Variants in PRDM16 observed in about 807,000 individuals in gnomAD.
PRDM16 encodes the protein PR/SET domain 16, also known as histone-lysine N-methyltransferase PRDM16.
In PRDM16, 23 loss-of-function variants were observed where a neutral mutation model predicts 110.6. The observed-to-expected ratio is 0.21, with a 90% confidence interval of 0.15 to 0.29. The LOEUF is 0.29. Ranked by LOEUF, PRDM16 falls within the 10% of genes least tolerant of loss-of-function variation. PRDM16 has a pLI of 1.00. For synonymous variants in PRDM16, 799 were observed against 781.8 expected, an observed-to-expected ratio of 1.02 and a Z score of -0.37; for missense variants, 1,615 against 1,794.3, an observed-to-expected ratio of 0.90 and a Z score of 1.81.
rs962136655 is a variant in PRDM16, at chr1:3,434,031, A to G, written c.*220A>G. The G allele has an allele frequency of 7.3e-6, 4 of 544,300 alleles. No homozygotes were observed. Among genetic ancestry groups the G allele is most frequent in the Middle Eastern group, 9.8e-4 (2 of 2,034 alleles). The allele number at this position is 544,300 out of a possible 1,614,324, so 33.7% of individuals were successfully genotyped here. Reference sequence around the variant, plus strand: ...CCATCTCCAAGGATTGGTCTTGAGAACACTGTTCAGTGACGGCCATGCAGG... The same window carrying G: ...CCATCTCCAAGGATTGGTCTTGAGAGCACTGTTCAGTGACGGCCATGCAGG... On this transcript the variant is annotated 3_prime_UTR_variant, in exon 17 of 17. Transcript: ENST00000270722.
chr1:3,405,150 C>T (rs947428508), intron 7 of PRDM16, among the ~76,000 whole-genome samples: 7 of 152,304 alleles, frequency 4.6e-5, no homozygotes, highest in Non-Finnish European at 7.4e-5. Context: ...GTCCTCCCGC[C>T]GGTGTGGAAG....
intron 5 of PRDM16, among the ~76,000 whole-genome samples, chr1:3,402,381 CG>C (rs1643486655): frequency 6.6e-6 from 1 of 152,256 alleles, no homozygotes; most frequent in Admixed American, 6.5e-5. Flanking sequence ...TTGACCTTGA[CG>C]ACAATAATTT....
intron 3 of PRDM16, among the ~76,000 whole-genome samples, chr1:3,356,321 G>A (rs1642599638): frequency 1.3e-5 from 2 of 152,216 alleles, no homozygotes; most frequent in Non-Finnish European, 2.9e-5. Context: ...CCCTGGCCAG[G>A]GCGGCCACTC....
chr1:3,095,972 GTC>G (rs910094074), intron 1 of PRDM16, among the ~76,000 whole-genome samples: 17 of 152,036 alleles, frequency 1.1e-4, no homozygotes, highest in African/African-American at 3.9e-4. Flanking sequence ...CTCCCTCCCT[GTC>G]TCTCCTCCTC....
intron 3 of PRDM16, among the ~76,000 whole-genome samples, chr1:3,277,784 T>TGCACACACAA (rs59663829): frequency 0.22 from 31,207 of 139,168 alleles, 4,151 homozygotes; most frequent in African/African-American, 0.43. Flanking sequence ...CACGCACACA[T>TGCACACACAA]ATGCACACAC....
intron 3 of PRDM16, among the ~76,000 whole-genome samples, chr1:3,298,583 C>T (rs1055728795): frequency 1.3e-5 from 2 of 152,216 alleles, no homozygotes; most frequent in African/African-American, 2.4e-5. Flanking sequence ...AACAATTGTG[C>T]TAGCAGCTTG....
intron 3 of PRDM16, among the ~76,000 whole-genome samples, chr1:3,333,287 C>T (rs1642080054): frequency 6.6e-6 from 1 of 152,118 alleles, no homozygotes; most frequent in Non-Finnish European, 1.5e-5. Context: ...TAGCAGAGAC[C>T]CCCTTGGCGT....
In PRDM16 at chr1:3,190,011, G is replaced by T. The variant is rs1263484624; in HGVS notation, c.387+3537G>T. ...TTCTCTTTGTATAGCAAGAGACACAGTGCCAGGCAACCCTCGGCTTTGGGA... is the reference window on the plus strand; with the variant it reads ...TTCTCTTTGTATAGCAAGAGACACATTGCCAGGCAACCCTCGGCTTTGGGA... On this transcript the variant is annotated intron_variant, in intron 2 of 16. Transcript: ENST00000270722. This position sits in a 1 kb window ranked among gnomAD's most constrained non-coding sequence, Gnocchi z 5.0. 4.6e-5 allele frequency among the ~76,000 whole-genome samples: 7 copies of T among 152,356 alleles called. No homozygotes were observed.
Position 3,162,671 on chromosome 1 carries a change from G to C in PRDM16, c.38-23454G>C, listed in dbSNP as rs112289705. ...GCCGATGGAGGCGAATCAGGGAGCA[G>C]ATGAGTGGTGTGGAAAACGCGGAGC... On this transcript the variant is annotated intron_variant, in intron 1 of 16. Coordinates refer to ENST00000270722, the MANE Select transcript of PRDM16 (RefSeq NM_022114.4). 3.8e-3 allele frequency among the ~76,000 whole-genome samples: 576 copies of C among 152,382 alleles called. 3 individuals are homozygous for C. The highest frequency in any genetic ancestry group is 0.013 in the African/African-American group (536 of 41,592).
Position 3,239,727 on chromosome 1 carries a change from T to C in PRDM16, c.388-4360T>C, listed in dbSNP as rs531756270. On this transcript the variant is annotated intron_variant, in intron 2 of 16. Transcript: ENST00000270722. ...ACTTTGGGAGGCCAAGGCAGGAGAA[T>C]TGCTTGAGCCCAGGAGTTAGAAATC... Among the ~76,000 whole-genome samples, 5 of 152,248 alleles carry C rather than the reference T, an allele frequency of 3.3e-5. No individual in the cohort carries two copies. The South Asian group carries it at 6.2e-4, about 19-fold the overall frequency.
In PRDM16 at chr1:3,114,163, A is replaced by G. The variant is rs868668154; in HGVS notation, c.37+44867A>G. Among the ~76,000 whole-genome samples the G allele has an allele frequency of 2.9e-4, 33 of 112,528 alleles. 1 individual carries two copies. In the East Asian group the frequency reaches 4.0e-3, roughly 14 times the overall value. The allele number at this position is 112,528 out of a possible 152,430, so 73.8% of individuals were successfully genotyped here. A position where few individuals can be genotyped will look rare whatever the true frequency, so the allele number is the denominator to read the frequency against. The stretch of plus-strand genomic sequence containing the variant: ...GCACACTGCACACACGCACACACAC[A>G]CGCACACACACGCACACACACGCAC... On this transcript the variant is annotated intron_variant, in intron 1 of 16. Coordinates refer to ENST00000270722, the MANE Select transcript of PRDM16 (RefSeq NM_022114.4).
intron 1 of PRDM16, among the ~76,000 whole-genome samples, chr1:3,126,354 T>C (rs1643207255): frequency 6.6e-6 from 1 of 152,046 alleles, no homozygotes; most frequent in African/African-American, 2.4e-5. Context: ...GTCTCTCCCA[T>C]GCCCCCGGGG....
rs1026852137 is a variant in PRDM16 at position 3,209,822 on chromosome 1, C to T, written c.387+23348C>T. 3.9e-5 allele frequency among the ~76,000 whole-genome samples: 6 copies of T among 152,138 alleles called. No homozygotes were observed. The highest frequency in any genetic ancestry group is 6.5e-5 in the Admixed American group (1 of 15,272). ...CCAGCGTTTTCCAAACTGGCAGAAC[C>T]CGGGGATCTAAGACGGGCATGCTGG... On this transcript the variant is annotated intron_variant, in intron 2 of 16. Coordinates refer to ENST00000270722, the MANE Select transcript of PRDM16 (RefSeq NM_022114.4). The surrounding 1 kb of genome is among the most constrained non-coding windows in gnomAD (Gnocchi z 4.6).
At chr1:3,147,255 G>A (rs893375094) in intron 1 of PRDM16, among the ~76,000 whole-genome samples, 119 of 152,142 alleles carry the variant, frequency 7.8e-4, no homozygotes, top group African/African-American at 2.7e-3. Flanking sequence ...AAGTTGGGGC[G>A]TGAGGAGGCA....
At chr1:3,393,087 A>G (rs1411565853) in intron 4 of PRDM16, among the ~76,000 whole-genome samples, 1 of 152,192 alleles carries the variant, frequency 6.6e-6, no homozygotes, top group Non-Finnish European at 1.5e-5. Context: ...TTTACAGCAG[A>G]CATTTATTGG....
intron 1 of PRDM16, among the ~76,000 whole-genome samples, chr1:3,092,806 G>A (rs1372970092): frequency 1.3e-5 from 2 of 152,066 alleles, no homozygotes; most frequent in African/African-American, 2.4e-5. Flanking sequence ...TTGGGGTCAG[G>A]GGCTGTCTCA....
At position 3,218,437 on chromosome 1, in the gene PRDM16, C is replaced by T. The variant is rs148057171; in HGVS notation, c.388-25650C>T. Among the ~76,000 whole-genome samples, 454 of 152,314 alleles carry T rather than the reference C, an allele frequency of 3.0e-3. 1 individual carries two copies. The highest frequency in any genetic ancestry group is 0.01 in the African/African-American group (417 of 41,568). ...GGGCAGCCGGGGCCACCTCGGTGTGCGGGAACAGGCCATGACACACTTGGG... is the reference window on the plus strand; with the variant it reads ...GGGCAGCCGGGGCCACCTCGGTGTGTGGGAACAGGCCATGACACACTTGGG... On this transcript the variant is annotated intron_variant, in intron 2 of 16. Transcript: ENST00000270722.
chr1:3,083,165 G>A (rs374303269), intron 1 of PRDM16, among the ~76,000 whole-genome samples: 2 of 152,178 alleles, frequency 1.3e-5, no homozygotes, highest in African/African-American at 2.4e-5. Context: ...CTCTGGATGC[G>A]GCCTCCAGAT....
At chr1:3,093,218 C>T (rs1642316850) in intron 1 of PRDM16, among the ~76,000 whole-genome samples, 1 of 152,180 alleles carries the variant, frequency 6.6e-6, no homozygotes, top group Non-Finnish European at 1.5e-5. Context: ...GCCCAGGCTA[C>T]CCCTATTTCA....
Sources: allele counts gnomAD v4.1 joint callset (sites outside exome capture counted in the v4.1 genomes callset), GRCh38; gene constraint gnomAD v4.1.1; non-coding constraint Gnocchi (gnomAD v3.1); transcripts MANE v1.5; gene names NCBI Gene and HGNC (gene_info 2026-07-23, HGNC 2026-07-21).